Variants in MCF2L observed in about 807,000 individuals in gnomAD.
MCF2L encodes guanine nucleotide exchange factor DBS.
A neutral mutation model predicts 153.4 loss-of-function variants in MCF2L; 97 were observed. That is an observed-to-expected ratio of 0.63 (90% CI 0.54 to 0.75). MCF2L has a LOEUF of 0.75. Ranked by LOEUF, MCF2L falls within the 30% of genes least tolerant of loss-of-function variation. The pLI is 0.00. For synonymous variants in MCF2L, 659 were observed against 632.2 expected (o/e 1.04, Z -0.64); for missense variants, 1,347 against 1,495.2 (o/e 0.90, Z 1.64).
chr13:113,092,191 G>A (rs950987831), intron 26 of MCF2L, among the ~76,000 whole-genome samples: 5 of 152,270 alleles, frequency 3.3e-5, no homozygotes, highest in Admixed American at 6.5e-5. Flanking sequence ...GGTGGAGAAG[G>A]TGGGCCGGGT....
intron 27 of MCF2L, chr13:113,095,051 T>C: frequency 7.3e-7 from 1 of 1,370,512 alleles, no homozygotes; most frequent in Non-Finnish European, 9.8e-7. Flanking sequence ...ACCCTTTATG[T>C]CATAGAATGC....
At chr13:113,042,000 G>A (rs1223537533) in intron 3 of MCF2L, among the ~76,000 whole-genome samples, 5 of 152,184 alleles carry the variant, frequency 3.3e-5, no homozygotes, top group Admixed American at 1.3e-4. Context: ...CCAGCCTCAC[G>A]GGATGGTCGC....
intron 1 of MCF2L, among the ~76,000 whole-genome samples, chr13:113,013,739 A>C (rs539770274): frequency 2.1e-4 from 32 of 152,334 alleles, no homozygotes; most frequent in African/African-American, 6.3e-4. Context: ...GTGGATGTTC[A>C]AGACTGCAAA....
At chr13:112,923,623 A>G (rs1222403636) in intron 2 of MCF2L, among the ~76,000 whole-genome samples, 1 of 152,052 alleles carries the variant, frequency 6.6e-6, no homozygotes, top group East Asian at 1.9e-4. Flanking sequence ...TAATTCTCCA[A>G]ATTGTTTGTT....
At chr13:112,994,044 C>T (rs1040844622) in intron 1 of MCF2L, among the ~76,000 whole-genome samples, 2 of 152,178 alleles carry the variant, frequency 1.3e-5, no homozygotes, top group Non-Finnish European at 2.9e-5. Flanking sequence ...CCTCCGCCTT[C>T]GTCTTTTTCC....
intron 2 of MCF2L, among the ~76,000 whole-genome samples, chr13:112,937,000 T>C (rs891264423): frequency 3.3e-5 from 5 of 152,254 alleles, no homozygotes; most frequent in African/African-American, 1.2e-4. Flanking sequence ...CAGATATGAC[T>C]GTTCTCAGTC....
chr13:113,022,393 C>T (rs565913901), intron 2 of MCF2L, among the ~76,000 whole-genome samples: 1 of 150,764 alleles, frequency 6.6e-6, no homozygotes, highest in African/African-American at 2.4e-5. Flanking sequence ...CCACCCCCGC[C>T]GGCCAGGGGT....
At chr13:112,915,410 C>CAAAAAAAAAAAAAAAAA (rs779274453) in intron 2 of MCF2L, among the ~76,000 whole-genome samples, 29 of 86,924 alleles carry the variant, frequency 3.3e-4, no homozygotes, top group East Asian at 9.4e-4. Context: ...CTCTGTCTCA[C>CAAAAAAAAAAAAAAAAA]AAAAAAAAAA....
At chr13:112,982,927 C>T (rs768248796) in intron 1 of MCF2L, among the ~76,000 whole-genome samples, 4 of 152,056 alleles carry the variant, frequency 2.6e-5, no homozygotes, top group Non-Finnish European at 5.9e-5. Context: ...GTGGAAGAAC[C>T]CTCAGGAGCT....
At chr13:113,006,384 T>C (rs1257644336) in intron 1 of MCF2L, among the ~76,000 whole-genome samples, 1 of 152,162 alleles carries the variant, frequency 6.6e-6, no homozygotes, top group Non-Finnish European at 1.5e-5. Context: ...ACTCACTCAA[T>C]GCACTGGAGC....
At chr13:113,062,900 G>A (rs922870888) in intron 5 of MCF2L, among the ~76,000 whole-genome samples, 7 of 152,210 alleles carry the variant, frequency 4.6e-5, no homozygotes, top group African/African-American at 1.4e-4. Context: ...AACCATAACC[G>A]TGTGGGAACT....
chr13:113,092,173 C>T (rs1348569919), intron 26 of MCF2L, among the ~76,000 whole-genome samples: 4 of 152,242 alleles, frequency 2.6e-5, no homozygotes, highest in Non-Finnish European at 4.4e-5. Flanking sequence ...TCGGCAGAGC[C>T]GGTCCCTGGT....
chr13:112,968,167 C>T (rs2081929759), upstream of MCF2L, among the ~76,000 whole-genome samples: 1 of 136,394 alleles, frequency 7.3e-6, no homozygotes, highest in African/African-American at 2.6e-5. Flanking sequence ...TGCTACATTG[C>T]CCAGGCTCAA....
intron 1 of MCF2L, among the ~76,000 whole-genome samples, chr13:112,999,552 C>T (rs886875313): frequency 2.0e-5 from 3 of 152,220 alleles, no homozygotes; most frequent in African/African-American, 7.2e-5. Flanking sequence ...CGGCTGGCTG[C>T]CTGAGACGTC....
chr13:112,926,873 T>A (rs996022823), intron 2 of MCF2L, among the ~76,000 whole-genome samples: 6 of 152,198 alleles, frequency 3.9e-5, no homozygotes, highest in Admixed American at 3.9e-4. Context: ...AATGAATTTC[T>A]GAAATTGCTA....
At chr13:113,090,893 C>G in intron 26 of MCF2L, 1 of 1,173,742 alleles carries the variant, frequency 8.5e-7, no homozygotes, top group Non-Finnish European at 1.1e-6. Flanking sequence ...CGAAAGGACG[C>G]CTCTGAGTGC....
intron 2 of MCF2L, among the ~76,000 whole-genome samples, chr13:112,911,726 C>CG (rs2081235564): frequency 6.6e-6 from 1 of 152,250 alleles, no homozygotes; most frequent in African/African-American, 2.4e-5. Context: ...ACAGAATACC[C>CG]GGGACCTCAC....
At chr13:113,094,953 C>T (rs761261504) in intron 27 of MCF2L, 2 of 1,389,294 alleles carry the variant, frequency 1.4e-6, no homozygotes, top group Non-Finnish European at 1.9e-6. Flanking sequence ...CTTTGTGTTT[C>T]TGGGTTAATT....
intron 5 of MCF2L, among the ~76,000 whole-genome samples, chr13:113,061,720 C>CTCTT (rs1428996419): frequency 1.0e-4 from 11 of 110,076 alleles, no homozygotes; most frequent in Admixed American, 2.6e-4. Flanking sequence ...CCTCCCCTCC[C>CTCTT]CCTTGCCCTC....
Sources: gnomAD v4.1 joint callset for allele counts (sites outside exome capture counted in the v4.1 genomes callset) on GRCh38, gnomAD v4.1.1 for gene constraint, MANE v1.5 for transcripts, NCBI Gene and HGNC (gene_info 2026-07-23, HGNC 2026-07-21) for gene names.